The following DOK5 variants were observed in gnomAD, a reference collection of about 807,000 sequenced individuals.
DOK5 encodes docking protein 5, also known as downstream of tyrosine kinase 5.
In DOK5, 27 loss-of-function variants were observed where a neutral mutation model predicts 43.3. That is an observed-to-expected ratio of 0.62 (90% CI 0.46 to 0.86). The LOEUF (loss-of-function observed/expected upper bound fraction) is 0.86. DOK5 is among the 40% of genes least tolerant of loss of function. The pLI, the probability that DOK5 is intolerant of heterozygous loss-of-function variation, is 0.00. For synonymous variants in DOK5, 146 were observed against 140.1 expected (o/e 1.04, Z -0.30); for missense variants, 373 against 392.9 (o/e 0.95, Z 0.43).
intron 6 of DOK5, among the ~76,000 whole-genome samples, chr20:54,625,097 T>C (rs1250132076): frequency 6.6e-6 from 1 of 152,198 alleles, no homozygotes; most frequent in Middle Eastern, 3.2e-3. Context: ...ATTTGGATGA[T>C]AGGAGTACCC....
intron 1 of DOK5, among the ~76,000 whole-genome samples, chr20:54,518,129 T>C (rs2146693863): frequency 6.6e-6 from 1 of 152,266 alleles, no homozygotes; most frequent in South Asian, 2.1e-4. Context: ...TTTTCTTTTT[T>C]CTTTTTTATT....
intron 1 of DOK5, among the ~76,000 whole-genome samples, chr20:54,518,020 A>C (rs1268011349): frequency 1.3e-5 from 2 of 152,128 alleles, no homozygotes; most frequent in African/African-American, 4.8e-5. Flanking sequence ...TACAGTTATT[A>C]AGCCCTTCCT....
chr20:54,635,046 C>A (rs920178485), intron 6 of DOK5, among the ~76,000 whole-genome samples: 1 of 152,148 alleles, frequency 6.6e-6, no homozygotes, highest in Non-Finnish European at 1.5e-5. Context: ...AAAACCAGTT[C>A]AGCCCATGAT....
At chr20:54,635,246 T>A (rs974282811) in intron 6 of DOK5, among the ~76,000 whole-genome samples, 2 of 152,196 alleles carry the variant, frequency 1.3e-5, no homozygotes, top group Non-Finnish European at 2.9e-5. Flanking sequence ...AATATATTAT[T>A]TGACATATTT....
intron 1 of DOK5, among the ~76,000 whole-genome samples, chr20:54,524,740 A>C (rs944605225): frequency 2.6e-5 from 4 of 152,220 alleles, no homozygotes; most frequent in African/African-American, 9.6e-5. Flanking sequence ...TGAAGTTTTA[A>C]TATTCTTCCT....
At chr20:54,477,659 A>C (rs1226748301) in intron 1 of DOK5, among the ~76,000 whole-genome samples, 50 of 152,114 alleles carry the variant, frequency 3.3e-4, no homozygotes, top group Admixed American at 5.2e-4. Context: ...AAAAAAAAAA[A>C]AACCCAGCAT....
chr20:54,563,920 A>G (rs1266022400), intron 2 of DOK5, among the ~76,000 whole-genome samples: 3 of 152,198 alleles, frequency 2.0e-5, no homozygotes, highest in Admixed American at 1.3e-4. Context: ...CCCTTGAACT[A>G]ATGCTAGAAA....
chr20:54,558,119 T>C (rs1420383221), intron 2 of DOK5, among the ~76,000 whole-genome samples: 1 of 152,164 alleles, frequency 6.6e-6, no homozygotes, highest in Non-Finnish European at 1.5e-5. Context: ...ACTTGAGGCA[T>C]CTGAAACCAG....
At chr20:54,501,477 A>G in intron 1 of DOK5, among the ~76,000 whole-genome samples, 1 of 150,502 alleles carries the variant, frequency 6.6e-6, no homozygotes, top group African/African-American at 2.5e-5. Flanking sequence ...AAAAAAAAAA[A>G]AAAAAAAAAA....
intron 1 of DOK5, among the ~76,000 whole-genome samples, chr20:54,534,797 C>A (rs1339465807): frequency 1.3e-5 from 2 of 148,744 alleles, no homozygotes; most frequent in Non-Finnish European, 2.9e-5. Context: ...CTCTTCACAA[C>A]AAGAATTGAT....
At chr20:54,546,572 C>T (rs889722596) in intron 1 of DOK5, among the ~76,000 whole-genome samples, 1 of 151,246 alleles carries the variant, frequency 6.6e-6, no homozygotes, top group Non-Finnish European at 1.5e-5. Context: ...CAGCAGGCCC[C>T]AGTGTGTGAT....
intron 2 of DOK5, among the ~76,000 whole-genome samples, chr20:54,565,167 T>A (rs1398540858): frequency 1.3e-5 from 2 of 152,226 alleles, no homozygotes; most frequent in Non-Finnish European, 2.9e-5. Context: ...TGGCTGCAAC[T>A]GTGTATACCT....
At chr20:54,564,987 T>C (rs970371741) in intron 2 of DOK5, among the ~76,000 whole-genome samples, 1 of 152,220 alleles carries the variant, frequency 6.6e-6, no homozygotes, top group African/African-American at 2.4e-5. Flanking sequence ...TTCTGTTCCT[T>C]TGTTCTATTG....
intron 5 of DOK5, among the ~76,000 whole-genome samples, chr20:54,604,622 A>T (rs113066255): frequency 1.3e-5 from 2 of 152,170 alleles, no homozygotes; most frequent in African/African-American, 4.8e-5. Context: ...TATTCTTTCA[A>T]TTATAACGTA....
chr20:54,480,561 C>T (rs1400308430), intron 1 of DOK5, among the ~76,000 whole-genome samples: 8 of 152,170 alleles, frequency 5.3e-5, no homozygotes, highest in South Asian at 2.1e-4. Context: ...GGGGCTGCTC[C>T]GTCTATGGAG....
intron 5 of DOK5, among the ~76,000 whole-genome samples, chr20:54,605,001 C>CA (rs71196456): frequency 0.036 from 3,880 of 108,860 alleles, 74 homozygotes; most frequent in Non-Finnish European, 0.042. Flanking sequence ...GACTGTGTCT[C>CA]AAAAAAAAAA....
chr20:54,603,940 A>ATTTTT (rs35690531), intron 5 of DOK5, among the ~76,000 whole-genome samples: 92 of 76,254 alleles, frequency 1.2e-3, no homozygotes, highest in African/African-American at 1.3e-3. Flanking sequence ...TTCAAACTGT[A>ATTTTT]TTTTTTTTTT....
At chr20:54,561,083 T>C (rs897991027) in intron 2 of DOK5, among the ~76,000 whole-genome samples, 6 of 152,238 alleles carry the variant, frequency 3.9e-5, no homozygotes, top group Admixed American at 2.0e-4. Flanking sequence ...TCCCGCTGTA[T>C]AGACCCCTTT....
intron 7 of DOK5, among the ~76,000 whole-genome samples, chr20:54,649,873 A>G (rs1471241659): frequency 1.3e-5 from 2 of 152,248 alleles, no homozygotes; most frequent in East Asian, 1.9e-4. Context: ...GGCTCTTTCT[A>G]GAAAATGCTT....
Sources: gnomAD v4.1 joint callset for allele counts (sites outside exome capture counted in the v4.1 genomes callset) on GRCh38, gnomAD v4.1.1 for gene constraint, MANE v1.5 for transcripts, NCBI Gene and HGNC (gene_info 2026-07-23, HGNC 2026-07-21) for gene names.